FTCD: variants seen among roughly 807,000 people sequenced by gnomAD.
The protein encoded by FTCD is formimidoyltransferase cyclodeaminase.
Under a neutral mutation model 62.9 loss-of-function variants are expected in FTCD, and 76 were observed. That is an observed-to-expected ratio of 1.21 (90% confidence interval 1.00 to 1.46). The LOEUF is 1.46. Ranked by LOEUF, FTCD falls within the 40% of genes most tolerant of loss-of-function variation. The pLI, the probability that FTCD is intolerant of heterozygous loss-of-function variation, is 0.00. For missense variants in FTCD, 845 were observed against 751.3 expected (o/e 1.12, Z -1.46); for synonymous variants, 397 against 336.9 (o/e 1.18, Z -1.95).
Position 46,145,519 on chromosome 21 carries a change from G to A in FTCD, c.1158C>T (p.Ser386=), listed in dbSNP as rs2079119927. 1 of 1,549,346 alleles carries A rather than the reference G, an allele frequency of 6.5e-7. No individual in the cohort carries two copies. Among genetic ancestry groups the A allele is most frequent in the South Asian group, 1.2e-5 (1 of 84,108 alleles). Residue 386 remains serine, a synonymous_variant, in exon 10 of 14, where the codon TCC becomes TCT. Transcript: ENST00000397746. Reference sequence around the variant, plus strand: ...TCAGGCGCCGCATCGTCGTGTCCAGGGACTGGAATTGGCGCCGCCCGTAGG... The same window carrying A: ...TCAGGCGCCGCATCGTCGTGTCCAGAGACTGGAATTGGCGCCGCCCGTAGG... ...LMTYGRRQFQ[S]LDTTMRRLIP...
chr21:46,154,869 T>G lies in FTCD; in HGVS notation c.55-537A>C, dbSNP rs774150503. ...TCCCTGCACCCCTGCGGGTGACCCC[T>G]GTGGCCTGGTGCTGCGCTCTGGGAG... On this transcript the variant is annotated intron_variant, in intron 1 of 13. Coordinates refer to ENST00000397746, the MANE Select transcript of FTCD (RefSeq NM_206965.2). Among the ~76,000 whole-genome samples the G allele has an allele frequency of 2.0e-5, 3 of 152,322 alleles. No individual in the cohort carries two copies. In the South Asian group the frequency reaches 6.2e-4, roughly 32 times the overall value.
In FTCD at chr21:46,153,021, T is replaced by C. The variant is rs1478288953; in HGVS notation, c.253A>G (p.Met85Val). The C allele has an allele frequency of 3.9e-6, 6 of 1,549,162 alleles. No homozygotes were observed. The highest frequency in any genetic ancestry group is 3.6e-5 in the South Asian group (3 of 84,038). ...AAGGGGCAGACGTCTAGGGCCCCCA[T>C]GCGGGGGTGCTCTCCTGCAGAGAGA... ...MSRHQGEHPR[M>V]GALDVCPFIP... is the part of the protein sequence containing the mutation. The change falls in exon 3 of 14, where the codon ATG becomes GTG. Residue 85 changes from methionine to valine, a missense_variant. By Grantham distance (21) the Met-to-Val change is conservative (BLOSUM62 1). Coordinates refer to ENST00000397746, the MANE Select transcript of FTCD (RefSeq NM_206965.2).
chr21:46,138,773 C>G, intron 11 of FTCD, 107 bp downstream of exon 11: 1 of 1,427,732 alleles, frequency 7.0e-7, no homozygotes, highest in Non-Finnish European at 9.8e-7. Flanking sequence ...AAACACCCAG[C>G]ACGCCCAGGC....
At position 46,155,508 on chromosome 21, in the gene FTCD, C is replaced by T. The variant is rs1459595844; in HGVS notation, c.16G>A (p.Glu6Lys). ...CCCTCCGAAAAGTTGGGGACGCATT[C>T]CACCAGCTGGGACATGGCCAGCACC... MSQLV[E>K]CVPNFSEGKN... Residue 6 changes from glutamate (E) to lysine (K), a missense_variant, in exon 1 of 14, where the codon GAA becomes AAA. Transcript: ENST00000397746. The T allele has an allele frequency of 6.2e-7, 1 of 1,612,992 alleles. No homozygotes were observed. The highest frequency in any genetic ancestry group is 8.5e-7 in the Non-Finnish European group (1 of 1,179,918).
chr21:46,136,983 A>G lies in FTCD; in HGVS notation c.*4T>C. ...CACAGAGCCCGGAGAGGCCTCCCGC[A>G]CCGTCACTCCTGCCGGGTCTCCAAG... On this transcript the variant is annotated 3_prime_UTR_variant, in exon 14 of 14. Coordinates refer to ENST00000397746, the MANE Select transcript of FTCD (RefSeq NM_206965.2). 6.2e-7 allele frequency: 1 copy of G among 1,612,954 alleles called. No individual in the cohort carries two copies. The highest frequency in any genetic ancestry group is 8.5e-7 in the Non-Finnish European group (1 of 1,179,980).
chr21:46,138,800 C>T lies in FTCD; in HGVS notation c.1304+80G>A, dbSNP rs527606600. On this transcript the variant is annotated intron_variant, in intron 11 of 13. Coordinates refer to ENST00000397746, the MANE Select transcript of FTCD (RefSeq NM_206965.2). ...CGCCCAGGCCAACCACGCCCCGTCA[C>T]AGCACCCAGGTACTCGGGATCCTGG... 5.5e-6 allele frequency: 8 copies of T among 1,448,762 alleles called. No homozygotes were observed. The East Asian group carries it at 1.6e-4, about 29-fold the overall frequency. The allele number at this position is 1,448,762 out of a possible 1,614,324, so 89.7% of individuals were successfully genotyped here.
At position 46,150,513 on chromosome 21, in the gene FTCD, T is replaced by C; in HGVS notation, c.649A>G (p.Lys217Glu). 6.2e-7 allele frequency: 1 copy of C among 1,613,296 alleles called. No homozygotes were observed. ...GRGKDQPGRL[K>E]KVQGIGWYLD... ...TACCAGCCAATGCCCTGAACTTTCTTCAGACGTCCTGGCTGCAAAGGAAGA... is the reference window on the plus strand; with the variant it reads ...TACCAGCCAATGCCCTGAACTTTCTCCAGACGTCCTGGCTGCAAAGGAAGA... Residue 217 changes from lysine (K) to glutamate (E), a missense_variant, in exon 6 of 14, where the codon AAG becomes GAG. By Grantham distance (56) the Lys-to-Glu change is moderately conservative. Coordinates refer to ENST00000397746, the MANE Select transcript of FTCD (RefSeq NM_206965.2).
chr21:46,150,750 C>G (rs1447197664), intron 5 of FTCD, among the ~76,000 whole-genome samples: 1 of 151,416 alleles, frequency 6.6e-6, no homozygotes, highest in African/African-American at 2.4e-5. Context: ...CGGAGGCCCA[C>G]CCCGGCAGGC....
At position 46,153,024 on chromosome 21, in the gene FTCD, G is replaced by T; in HGVS notation, c.250C>A (p.Arg84Ser). 6.5e-7 allele frequency: 1 copy of T among 1,549,044 alleles called. No individual in the cohort carries two copies. Among genetic ancestry groups the T allele is most frequent in the Non-Finnish European group, 8.7e-7 (1 of 1,146,754 alleles). The change falls in exon 3 of 14, where the codon CGC becomes AGC. Residue 84 changes from arginine to serine, a missense_variant. Coordinates refer to ENST00000397746, the MANE Select transcript of FTCD (RefSeq NM_206965.2). ...GGGCAGACGTCTAGGGCCCCCATGC[G>T]GGGGTGCTCTCCTGCAGAGAGACGG... ...DMSRHQGEHP[R>S]MGALDVCPFI... is the part of the protein sequence containing the mutation.
chr21:46,139,040 G>A (rs1282569833), intron 10 of FTCD, 117 bp from the exon 11 acceptor site: 7 of 818,708 alleles, frequency 8.6e-6, no homozygotes, highest in African/African-American at 8.4e-5. Context: ...CCAGTTCTCT[G>A]GGAACCAAGC....
chr21:46,154,107 A>T, intron 2 of FTCD, 42 bp downstream of exon 2: 4 of 1,599,978 alleles, frequency 2.5e-6, no homozygotes, highest in Non-Finnish European at 3.4e-6. Context: ...CGGCCCTGAC[A>T]TTCTGAGACA....
At chr21:46,151,435 G>T in intron 5 of FTCD, 123 bp downstream of exon 5, 1 of 874,984 alleles carries the variant, frequency 1.1e-6, no homozygotes, top group Non-Finnish European at 1.8e-6. Flanking sequence ...GTCTGCAGGT[G>T]GGAGGCCGAA....
intron 10 of FTCD, among the ~76,000 whole-genome samples, 176 bp downstream of exon 10, chr21:46,145,241 G>T (rs993656578): frequency 6.6e-6 from 1 of 152,198 alleles, no homozygotes; most frequent in African/African-American, 2.4e-5. Flanking sequence ...AGCACTTGCC[G>T]GGGTGAGGGC....
intron 10 of FTCD, among the ~76,000 whole-genome samples, chr21:46,141,192 C>CA (rs1169414350): frequency 1.3e-5 from 2 of 152,162 alleles, no homozygotes; most frequent in African/African-American, 4.8e-5. Context: ...GGCTAGAGTG[C>CA]AGTGGTGCAA....
chr21:46,136,881 C>A lies in FTCD; in HGVS notation c.*106G>T. 5 of 1,575,030 alleles carry A rather than the reference C, an allele frequency of 3.2e-6. No individual in the cohort carries two copies. Among genetic ancestry groups the A allele is most frequent in the Non-Finnish European group, 4.3e-6 (5 of 1,161,194 alleles). ...ATGCCCCGCTGCCTGCCCACCTACC[C>A]TCCGGGCCCCACACGAACAAGCTGT... is the stretch of plus-strand genomic sequence containing the variant. On this transcript the variant is annotated 3_prime_UTR_variant, in exon 14 of 14. Transcript: ENST00000397746.
chr21:46,139,086 A>G, intron 10 of FTCD, 163 bp from the exon 11 acceptor site: 1 of 641,784 alleles, frequency 1.6e-6, no homozygotes, highest in Non-Finnish European at 2.9e-6. Context: ...CCTTAGCATC[A>G]GGCTTGGTGG....
rs753011771 is a variant in FTCD, at chr21:46,150,509, T to G, written c.653A>C (p.Lys218Thr). 1.2e-6 allele frequency: 2 copies of G among 1,613,322 alleles called. No homozygotes were observed. The highest frequency in any genetic ancestry group is 1.7e-6 in the Non-Finnish European group (2 of 1,179,974). Reference sequence around the variant, plus strand: ...CAGGTACCAGCCAATGCCCTGAACTTTCTTCAGACGTCCTGGCTGCAAAGG... The same window carrying G: ...CAGGTACCAGCCAATGCCCTGAACTGTCTTCAGACGTCCTGGCTGCAAAGG... Reference protein sequence around the residue: ...RGKDQPGRLKKVQGIGWYLDE... With the variant: ...RGKDQPGRLKTVQGIGWYLDE... The change falls in exon 6 of 14, where the codon AAA (lysine) becomes ACA (threonine). Residue 218 changes from lysine (K) to threonine (T), a missense_variant. Lys to Thr is a moderately conservative substitution (Grantham distance 78, BLOSUM62 -1). Transcript: ENST00000397746.
intron 5 of FTCD, among the ~76,000 whole-genome samples, chr21:46,151,099 C>T (rs1021021168): frequency 2.0e-5 from 3 of 152,314 alleles, no homozygotes; most frequent in African/African-American, 4.8e-5. Flanking sequence ...CCGCTTTCTC[C>T]GGGTATCTAT....
chr21:46,142,155 C>T (rs2079024395), intron 10 of FTCD: 1 of 152,290 alleles, frequency 6.6e-6, no homozygotes, highest in Non-Finnish European at 1.5e-5. Flanking sequence ...TCTACACCTC[C>T]CTGCAAACAG....
Sources: allele counts gnomAD v4.1 joint callset (sites outside exome capture counted in the v4.1 genomes callset), GRCh38; gene constraint gnomAD v4.1.1; transcripts MANE v1.5; gene names NCBI Gene and HGNC (gene_info 2026-07-23, HGNC 2026-07-21).